The following TMEM117 variants were observed in gnomAD, a reference collection of about 807,000 sequenced individuals.
The protein encoded by TMEM117 is transmembrane protein 117.
Under a neutral mutation model 52.4 loss-of-function variants are expected in TMEM117, and 27 were observed. The ratio of observed to expected loss-of-function variants is 0.51; its 90% CI spans 0.38 to 0.71. TMEM117 has a LOEUF of 0.71. Among genes scored for constraint, TMEM117 ranks in the 30% least tolerant of loss-of-function variants. TMEM117 has a pLI of 0.00. For missense variants in TMEM117, 556 were observed against 630.5 expected (o/e 0.88, Z 1.26); for synonymous variants, 215 against 206.3 (o/e 1.04, Z -0.36).
At chr12:44,328,201 T>C (rs1338581624) in intron 6 of TMEM117, among the ~76,000 whole-genome samples, 1 of 152,178 alleles carries the variant, frequency 6.6e-6, no homozygotes, top group Non-Finnish European at 1.5e-5. Flanking sequence ...TGATTTCCTT[T>C]GGAAGTTCTA....
At chr12:44,002,125 G>T (rs765936028) in intron 3 of TMEM117, among the ~76,000 whole-genome samples, 4 of 152,154 alleles carry the variant, frequency 2.6e-5, no homozygotes, top group Non-Finnish European at 4.4e-5. Flanking sequence ...ACAACAAAAA[G>T]CCCAGACCAT....
chr12:44,305,513 CAA>C (rs75683898), intron 6 of TMEM117, among the ~76,000 whole-genome samples: 2 of 132,786 alleles, frequency 1.5e-5, no homozygotes, highest in Admixed American at 1.5e-4. Flanking sequence ...AGACACTTCT[CAA>C]AAAAAAAAAA....
intron 4 of TMEM117, among the ~76,000 whole-genome samples, chr12:44,158,465 T>C (rs1386742806): frequency 6.6e-6 from 1 of 152,170 alleles, no homozygotes; most frequent in Non-Finnish European, 1.5e-5. Flanking sequence ...GGCGAGATAG[T>C]GTCTTATGGG....
At chr12:44,013,415 A>T (rs1946326556) in intron 3 of TMEM117, among the ~76,000 whole-genome samples, 1 of 152,106 alleles carries the variant, frequency 6.6e-6, no homozygotes, top group African/African-American at 2.4e-5. Flanking sequence ...GCTGGATATG[A>T]TGGCTAGGGT....
chr12:44,222,052 T>C (rs997811108), intron 5 of TMEM117, among the ~76,000 whole-genome samples: 3 of 152,100 alleles, frequency 2.0e-5, no homozygotes, highest in Admixed American at 2.0e-4. Flanking sequence ...TTTATAATGA[T>C]GGAGGAGGGG....
chr12:43,977,419 G>C (rs1945689855), intron 3 of TMEM117, among the ~76,000 whole-genome samples: 1 of 152,132 alleles, frequency 6.6e-6, no homozygotes, highest in African/African-American at 2.4e-5. Flanking sequence ...GAGGACCTGA[G>C]GGGGTATGAA....
At chr12:44,082,305 G>A (rs755035127) in intron 3 of TMEM117, among the ~76,000 whole-genome samples, 1 of 151,888 alleles carries the variant, frequency 6.6e-6, no homozygotes, top group Non-Finnish European at 1.5e-5. Flanking sequence ...CTCTACGAAT[G>A]TATGAAACTT....
At chr12:44,357,669 A>G (rs1242062184) in intron 6 of TMEM117, among the ~76,000 whole-genome samples, 1 of 152,142 alleles carries the variant, frequency 6.6e-6, no homozygotes, top group Non-Finnish European at 1.5e-5. Flanking sequence ...TAAAAAATTA[A>G]CAGATACTGG....
At chr12:43,812,080 CA>C in the TMEM117 span, among the ~76,000 whole-genome samples, 48 of 143,730 alleles carry the variant, frequency 3.3e-4, no homozygotes, top group African/African-American at 5.6e-4. Context: ...TCACCATCTG[CA>C]AAAAAAAAAA....
intron 6 of TMEM117, among the ~76,000 whole-genome samples, chr12:44,303,570 A>G (rs1950869136): frequency 6.6e-6 from 1 of 152,302 alleles, no homozygotes; most frequent in African/African-American, 2.4e-5. Context: ...TAGGGCATAA[A>G]CAGATACCAG....
At chr12:44,252,334 G>A (rs1037364229) in intron 5 of TMEM117, among the ~76,000 whole-genome samples, 13 of 151,964 alleles carry the variant, frequency 8.6e-5, no homozygotes, top group Non-Finnish European at 1.6e-4. Flanking sequence ...GCAAAACCCC[G>A]TCCTATTAAA....
chr12:43,836,761 A>G (rs946953395), intron 1 of TMEM117, among the ~76,000 whole-genome samples: 16 of 151,740 alleles, frequency 1.1e-4, no homozygotes, highest in Admixed American at 5.3e-4. Flanking sequence ...AGTGTGTTCT[A>G]CCCTCTGTGG....
chr12:44,202,605 T>A (rs1949510425), intron 4 of TMEM117, among the ~76,000 whole-genome samples: 1 of 152,206 alleles, frequency 6.6e-6, no homozygotes, highest in African/African-American at 2.4e-5. Context: ...TACAGTTTTC[T>A]TTTTTCATTG....
At chr12:44,307,755 C>T (rs1264420603) in intron 6 of TMEM117, among the ~76,000 whole-genome samples, 2 of 152,150 alleles carry the variant, frequency 1.3e-5, no homozygotes, top group African/African-American at 2.4e-5. Flanking sequence ...TGAGTTTGTC[C>T]ATACAGAAGG....
At chr12:43,796,968 T>C in the TMEM117 span, 2 of 1,606,718 alleles carry the variant, frequency 1.2e-6, no homozygotes. Context: ...TTAAAATAGG[T>C]GGGCTACCTT....
chr12:44,002,122 A>G (rs965742722), intron 3 of TMEM117, among the ~76,000 whole-genome samples: 5 of 152,152 alleles, frequency 3.3e-5, no homozygotes, highest in African/African-American at 1.2e-4. Flanking sequence ...ACAACAACAA[A>G]AAGCCCAGAC....
At chr12:44,238,857 G>A (rs1950029658) in intron 5 of TMEM117, among the ~76,000 whole-genome samples, 2 of 152,094 alleles carry the variant, frequency 1.3e-5, no homozygotes, top group South Asian at 4.1e-4. Context: ...TAAGACAAAT[G>A]CACTCAATTG....
the TMEM117 span, among the ~76,000 whole-genome samples, chr12:43,807,292 A>G: frequency 6.6e-6 from 1 of 152,216 alleles, no homozygotes; most frequent in Admixed American, 6.5e-5. Context: ...CCAGTACTAT[A>G]CGATGTATTT....
At chr12:44,149,149 A>C (rs1948686598) in intron 4 of TMEM117, among the ~76,000 whole-genome samples, 1 of 152,180 alleles carries the variant, frequency 6.6e-6, no homozygotes, top group African/African-American at 2.4e-5. Flanking sequence ...GAAAAGATTG[A>C]GCTCTGCAGA....
Sources: gnomAD v4.1 joint callset for allele counts (sites outside exome capture counted in the v4.1 genomes callset) on GRCh38, gnomAD v4.1.1 for gene constraint, MANE v1.5 for transcripts, NCBI Gene and HGNC (gene_info 2026-07-23, HGNC 2026-07-21) for gene names.